C2orf42: variants seen among roughly 807,000 people sequenced by gnomAD.
C2orf42 encodes the protein chromosome 2 open reading frame 42.
A neutral mutation model predicts 58.9 loss-of-function variants in C2orf42; 44 were observed. The ratio of observed to expected loss-of-function variants is 0.75; its 90% CI spans 0.59 to 0.96. The LOEUF (loss-of-function observed/expected upper bound fraction) is 0.96. Among genes scored for constraint, C2orf42 ranks in the 40% least tolerant of loss-of-function variants. C2orf42 has a pLI of 0.00. For missense variants in C2orf42, 630 were observed against 699.2 expected, an observed-to-expected ratio of 0.90 and a Z score of 1.12; for synonymous variants, 239 against 265.4, an observed-to-expected ratio of 0.90 and a Z score of 0.97.
intron 9 of C2orf42, among the ~76,000 whole-genome samples, chr2:70,155,343 T>C (rs942184360): frequency 1.3e-5 from 2 of 152,190 alleles, no homozygotes; most frequent in African/African-American, 4.8e-5. Flanking sequence ...AATTCTTTTA[T>C]AGAGATGGGG....
rs138546107 is a variant in C2orf42 at position 70,150,034 on chromosome 2, G to C, written c.*322C>G. On this transcript the variant is annotated 3_prime_UTR_variant, in exon 10 of 10. Transcript: ENST00000264434. ...ATGGCTGAGTGCTGCAGATTTCTCA[G>C]AGAATTAGCAAAAGGTTGAAATAAA... is the stretch of plus-strand genomic sequence containing the variant. 22 of 355,758 alleles carry C rather than the reference G, an allele frequency of 6.2e-5. No homozygotes were observed. Among genetic ancestry groups the C allele is most frequent in the African/African-American group, 4.2e-4 (20 of 47,790 alleles). 22.0% of individuals were successfully genotyped at this position (355,758 alleles called of 1,614,324 possible).
At chr2:70,160,527 CT>C in intron 9 of C2orf42, 97 bp downstream of exon 9, 1 of 758,992 alleles carries the variant, frequency 1.3e-6, no homozygotes, top group Non-Finnish European at 2.1e-6. Context: ...ATGAATGTGT[CT>C]TCTTTGTTTA....
intron 9 of C2orf42, among the ~76,000 whole-genome samples, chr2:70,154,809 G>A (rs969857893): frequency 1.2e-4 from 18 of 152,030 alleles, no homozygotes; most frequent in African/African-American, 3.4e-4. Context: ...AGGCTGGAGC[G>A]TAGTGACACA....
In C2orf42 at chr2:70,150,194, T is replaced by C. The variant is rs552332323; in HGVS notation, c.*162A>G. On this transcript the variant is annotated 3_prime_UTR_variant, in exon 10 of 10. Coordinates refer to ENST00000264434, the MANE Select transcript of C2orf42 (RefSeq NM_017880.3). The stretch of plus-strand genomic sequence containing the variant: ...CATCAAAAAGGCTATTTACAAGAGA[T>C]TTTCTTCAACAGAATCCACTTGAAA... 3.2e-5 allele frequency: 20 copies of C among 630,904 alleles called. No individual in the cohort carries two copies. In the East Asian group the frequency reaches 5.4e-4, roughly 17 times the overall value. 39.1% of individuals were successfully genotyped at this position (630,904 alleles called of 1,614,324 possible). A position where few individuals can be genotyped will look rare whatever the true frequency, so the allele number is the denominator to read the frequency against.
chr2:70,163,073 G>A (rs1673162840), intron 8 of C2orf42, among the ~76,000 whole-genome samples: 3 of 151,188 alleles, frequency 2.0e-5, no homozygotes, highest in Non-Finnish European at 4.4e-5. Context: ...TCACCATGTT[G>A]GCCAGGCTGG....
In C2orf42 at chr2:70,167,716, G is replaced by T. The variant is rs931450407; in HGVS notation, c.1144+1841C>A. On this transcript the variant is annotated intron_variant, in intron 6 of 9. Coordinates refer to ENST00000264434, the MANE Select transcript of C2orf42 (RefSeq NM_017880.3). ...AGATTGTACCACTGCACTCCAGCCTGTGTGACAGAGCAAGACTGTCTCAAA... is the reference window on the plus strand; with the variant it reads ...AGATTGTACCACTGCACTCCAGCCTTTGTGACAGAGCAAGACTGTCTCAAA... Among the ~76,000 whole-genome samples the T allele has an allele frequency of 2.0e-5, 3 of 152,080 alleles. No homozygotes were observed. In the South Asian group the frequency reaches 6.2e-4, roughly 32 times the overall value.
At chr2:70,188,805 A>T (rs1361400141) in intron 1 of C2orf42, among the ~76,000 whole-genome samples, 1 of 152,156 alleles carries the variant, frequency 6.6e-6, no homozygotes, top group East Asian at 1.9e-4. Flanking sequence ...AGTTTTGAAG[A>T]GTCGAATATT....
chr2:70,180,586 T>C (rs1376576769), intron 3 of C2orf42, among the ~76,000 whole-genome samples: 1 of 127,540 alleles, frequency 7.8e-6, no homozygotes, highest in African/African-American at 3.2e-5. Context: ...CCAGCGTTTG[T>C]GATGGAGCAA....
At position 70,164,849 on chromosome 2, in the gene C2orf42, T is replaced by A. The variant is rs1572989322; in HGVS notation, c.1353+243A>T. On this transcript the variant is annotated intron_variant, in intron 8 of 9. Transcript: ENST00000264434. ...TAATTTATAAGAAAAATTATGTTTT[T>A]TTAATCCCAAAGGCAAAGGAAAAGT... Among the ~76,000 whole-genome samples, 4 of 152,284 alleles carry A rather than the reference T, an allele frequency of 2.6e-5. No individual in the cohort carries two copies. The East Asian group carries it at 7.7e-4, about 29-fold the overall frequency.
intron 9 of C2orf42, among the ~76,000 whole-genome samples, chr2:70,152,839 C>T (rs1051002394): frequency 7.9e-5 from 12 of 152,108 alleles, no homozygotes; most frequent in South Asian, 2.1e-4. Flanking sequence ...TCGAGACCAG[C>T]CTGATCAAGA....
intron 8 of C2orf42, among the ~76,000 whole-genome samples, chr2:70,163,263 G>A (rs1427726351): frequency 1.3e-5 from 2 of 150,040 alleles, no homozygotes; most frequent in African/African-American, 4.9e-5. Context: ...TATATTTTTT[G>A]AGACAGCGTC....
At chr2:70,152,019 C>T (rs1572958475) in intron 9 of C2orf42, among the ~76,000 whole-genome samples, 1 of 152,164 alleles carries the variant, frequency 6.6e-6, no homozygotes, top group African/African-American at 2.4e-5. Context: ...TCTGATGATC[C>T]TCCCACCTCA....
At chr2:70,184,290 G>C (rs1674778148) in intron 1 of C2orf42, among the ~76,000 whole-genome samples, 2 of 151,984 alleles carry the variant, frequency 1.3e-5, no homozygotes. Context: ...GCAGTGACGT[G>C]ATCTCGATTC....
chr2:70,188,461 A>T (rs781110586), intron 1 of C2orf42, among the ~76,000 whole-genome samples: 17 of 152,204 alleles, frequency 1.1e-4, no homozygotes, highest in Non-Finnish European at 2.1e-4. Flanking sequence ...AAGTACTGGG[A>T]TTACAGGCGT....
rs769333261 is a variant in C2orf42, at chr2:70,181,293, C to T, written c.693G>A (p.Ser231=). The T allele has an allele frequency of 3.2e-5, 51 of 1,613,700 alleles. No homozygotes were observed. Among genetic ancestry groups the T allele is most frequent in the Non-Finnish European group, 4.2e-5 (49 of 1,179,806 alleles). The part of the protein sequence containing the change: ...RFFCSCQTLK[S]HKSNASKDET... Reference sequence around the variant, plus strand: ...CATCCTTGGAGGCATTTGACTTGTGCGATTTCAGAGTCTGACAGGAGCAGA... The same window carrying T: ...CATCCTTGGAGGCATTTGACTTGTGTGATTTCAGAGTCTGACAGGAGCAGA... Residue 231 remains serine, a synonymous_variant, in exon 3 of 10, where the codon TCG becomes TCA. Coordinates refer to ENST00000264434, the MANE Select transcript of C2orf42 (RefSeq NM_017880.3).
chr2:70,151,483 G>C (rs1013585390), intron 9 of C2orf42, among the ~76,000 whole-genome samples: 1 of 151,740 alleles, frequency 6.6e-6, no homozygotes, highest in African/African-American at 2.4e-5. Context: ...AAAATACAAA[G>C]ATTATCCAGG....
chr2:70,149,989 C>G lies in C2orf42; in HGVS notation c.*367G>C. On this transcript the variant is annotated 3_prime_UTR_variant, in exon 10 of 10. Coordinates refer to ENST00000264434, the MANE Select transcript of C2orf42 (RefSeq NM_017880.3). Reference sequence around the variant, plus strand: ...CATTCTGCCCTAACCAGGGTGTTAACTTTCCAACACTGTTGGTGTATGGCT... The same window carrying G: ...CATTCTGCCCTAACCAGGGTGTTAAGTTTCCAACACTGTTGGTGTATGGCT... The G allele has an allele frequency of 3.7e-6, 1 of 270,206 alleles. No individual in the cohort carries two copies. The highest frequency in any genetic ancestry group is 7.2e-6 in the Non-Finnish European group (1 of 138,806). 16.7% of individuals were successfully genotyped at this position (270,206 alleles called of 1,614,324 possible). A position where few individuals can be genotyped will look rare whatever the true frequency, so the allele number is the denominator to read the frequency against.
intron 3 of C2orf42, among the ~76,000 whole-genome samples, chr2:70,180,919 C>G (rs942331308): frequency 6.9e-6 from 1 of 144,880 alleles, no homozygotes; most frequent in Non-Finnish European, 1.5e-5. Flanking sequence ...GGTAGGATCT[C>G]GAGCCTGGGA....
At chr2:70,153,781 C>T (rs1056996370) in intron 9 of C2orf42, among the ~76,000 whole-genome samples, 78 of 151,278 alleles carry the variant, frequency 5.2e-4, no homozygotes, top group African/African-American at 1.7e-3. Flanking sequence ...TTTAAACGGC[C>T]GGGCGCGGTG....
Sources: allele counts gnomAD v4.1 joint callset (sites outside exome capture counted in the v4.1 genomes callset), GRCh38; gene constraint gnomAD v4.1.1; transcripts MANE v1.5; gene names NCBI Gene and HGNC (gene_info 2026-07-23, HGNC 2026-07-21).